The following EFCAB6 variants were observed in gnomAD, a reference collection of about 807,000 sequenced individuals.
EFCAB6 encodes EF-hand calcium binding domain 6.
EFCAB6 carries 156 observed loss-of-function variants against 169.8 expected under a neutral mutation model. That is an observed-to-expected ratio of 0.92 (90% confidence interval 0.81 to 1.05). The LOEUF (loss-of-function observed/expected upper bound fraction) is 1.05, where lower values mean the gene tolerates loss of function less well. Ranked by LOEUF, EFCAB6 falls within the 50% of genes least tolerant of loss-of-function variation. The pLI, the probability that EFCAB6 is intolerant of heterozygous loss-of-function variation, is 0.00. For synonymous variants in EFCAB6, 698 were observed against 676.4 expected (o/e 1.03, Z -0.50); for missense variants, 1,800 against 1,829.1 (o/e 0.98, Z 0.29).
At chr22:43,786,830 G>A (rs556204517) in intron 2 of EFCAB6, among the ~76,000 whole-genome samples, 90 of 152,204 alleles carry the variant, frequency 5.9e-4, no homozygotes, top group Non-Finnish European at 1.1e-3. Context: ...CAAACTGAAT[G>A]CAGCAACATA....
At chr22:43,556,482 C>T (rs1182453423) in intron 26 of EFCAB6, among the ~76,000 whole-genome samples, 1 of 152,200 alleles carries the variant, frequency 6.6e-6, no homozygotes, top group East Asian at 1.9e-4. Flanking sequence ...TCAAAGCCCA[C>T]CATGGCTGTG....
chr22:43,708,287 A>C (rs137825), intron 10 of EFCAB6, among the ~76,000 whole-genome samples: 1 of 151,610 alleles, frequency 6.6e-6, no homozygotes, highest in Non-Finnish European at 1.5e-5. Context: ...ATGCCTGTAA[A>C]CCCAGCTACT....
intron 26 of EFCAB6, among the ~76,000 whole-genome samples, chr22:43,574,787 G>A (rs1004229755): frequency 6.6e-6 from 1 of 152,164 alleles, no homozygotes; most frequent in African/African-American, 2.4e-5. Context: ...TGTAGACAAC[G>A]AGACCTGAAT....
At chr22:43,662,979 C>T (rs1433186888) in intron 17 of EFCAB6, among the ~76,000 whole-genome samples, 4 of 152,198 alleles carry the variant, frequency 2.6e-5, no homozygotes, top group African/African-American at 7.2e-5. Flanking sequence ...AACACTGAGC[C>T]AGTATCACAG....
rs757013653 is a variant in EFCAB6, at chr22:43,590,234, AAG to A, written c.2877-7_2877-6del. The A allele has an allele frequency of 6.2e-7, 1 of 1,612,786 alleles. No homozygotes were observed. The highest frequency in any genetic ancestry group is 1.1e-5 in the South Asian group (1 of 90,660). On this transcript the variant is annotated splice_region_variant and splice_polypyrimidine_tract_variant and intron_variant, in intron 23 of 31. Transcript: ENST00000262726. ...TGGCGGTCCATAAGCTTATCCCTGA[AAG>A]AGAGTACATTGCAGACATACCCTAA...
intron 28 of EFCAB6, 60 bp downstream of exon 28, chr22:43,540,067 G>A: frequency 6.3e-7 from 1 of 1,587,194 alleles, no homozygotes; most frequent in East Asian, 2.2e-5. Flanking sequence ...AGTCCCCCCA[G>A]TGGGATTTGT....
chr22:43,791,795 T>C (rs2148116525), intron 2 of EFCAB6, among the ~76,000 whole-genome samples: 1 of 152,238 alleles, frequency 6.6e-6, no homozygotes, highest in East Asian at 1.9e-4. Context: ...AGAACTCTGC[T>C]GTAATGGGGA....
chr22:43,553,156 CCAAGG>C (rs1347781977), intron 27 of EFCAB6: 6 of 152,140 alleles, frequency 3.9e-5, no homozygotes, highest in Non-Finnish European at 5.9e-5. Flanking sequence ...ATGAATACTT[CCAAGG>C]CCTTACCCTG....
intron 8 of EFCAB6, among the ~76,000 whole-genome samples, chr22:43,726,429 A>C (rs2059741911): frequency 6.6e-6 from 1 of 152,222 alleles, no homozygotes; most frequent in Non-Finnish European, 1.5e-5. Flanking sequence ...AAATATAAAC[A>C]GAAAACTATC....
chr22:43,547,466 G>GC (rs2048124234), intron 27 of EFCAB6, among the ~76,000 whole-genome samples: 2 of 152,222 alleles, frequency 1.3e-5, no homozygotes, highest in Non-Finnish European at 2.9e-5. Context: ...CTGGCCAGGT[G>GC]CAGTGGCTCA....
Position 43,635,260 on chromosome 22 carries a change from C to T in EFCAB6, c.1984-44G>A, listed in dbSNP as rs142171161. On this transcript the variant is annotated intron_variant, in intron 17 of 31. Coordinates refer to ENST00000262726, the MANE Select transcript of EFCAB6 (RefSeq NM_022785.4). ...GAGGGTGGAGAGGCGTTAGGTGGTC[C>T]GCGGGTCACTACTCCCAGAGCACCT... 2.1e-3 allele frequency: 2,984 copies of T among 1,400,510 alleles called. 6 individuals carry two copies. Among genetic ancestry groups the T allele is most frequent in the Non-Finnish European group, 2.8e-3 (2,739 of 985,652 alleles). The allele number at this position is 1,400,510 out of a possible 1,614,324, so 86.8% of individuals were successfully genotyped here. A position where few individuals can be genotyped will look rare whatever the true frequency, so the allele number is the denominator to read the frequency against.
intron 3 of EFCAB6, among the ~76,000 whole-genome samples, chr22:43,776,725 A>T (rs1254901650): frequency 6.6e-6 from 1 of 152,210 alleles, no homozygotes; most frequent in Non-Finnish European, 1.5e-5. Flanking sequence ...CATAGCAGGT[A>T]GGATGGAGAA....
chr22:43,711,260 A>G (rs2059149142), intron 10 of EFCAB6, among the ~76,000 whole-genome samples: 1 of 152,216 alleles, frequency 6.6e-6, no homozygotes, highest in Non-Finnish European at 1.5e-5. Context: ...GAGCAGGAAT[A>G]CAAATGAAAT....
intron 24 of EFCAB6, among the ~76,000 whole-genome samples, chr22:43,584,513 A>T (rs1479875680): frequency 6.6e-6 from 1 of 151,958 alleles, no homozygotes; most frequent in Non-Finnish European, 1.5e-5. Context: ...TCTGAGAAAG[A>T]TCCCCTCAGG....
intron 27 of EFCAB6, chr22:43,554,426 G>C (rs570272630): frequency 5.9e-6 from 1 of 168,686 alleles, no homozygotes; most frequent in East Asian, 1.7e-4. Context: ...TTCTCTTGCT[G>C]ACTTGCCCCT....
chr22:43,535,675 G>A (rs1160339273), intron 29 of EFCAB6: 1 of 152,272 alleles, frequency 6.6e-6, no homozygotes, highest in Non-Finnish European at 1.5e-5. Context: ...TTGAGTTGAA[G>A]TTTCATAGAC....
At chr22:43,603,624 C>G (rs73887354) in intron 22 of EFCAB6, among the ~76,000 whole-genome samples, 3,529 of 152,374 alleles carry the variant, frequency 0.023, 123 homozygotes, top group African/African-American at 0.081. Context: ...TTCCCACATA[C>G]ATTTCAGAAG....
chr22:43,610,957 A>G (rs966267069), intron 21 of EFCAB6, among the ~76,000 whole-genome samples: 5 of 152,244 alleles, frequency 3.3e-5, no homozygotes, highest in Non-Finnish European at 7.3e-5. Context: ...AGGTGAATAC[A>G]GAGAATCACA....
intron 12 of EFCAB6, among the ~76,000 whole-genome samples, chr22:43,681,221 T>A (rs1409918540): frequency 6.6e-6 from 1 of 152,258 alleles, no homozygotes; most frequent in Non-Finnish European, 1.5e-5. Context: ...GATAATCATG[T>A]AGTTCTGTTC....
Sources: gnomAD v4.1 joint callset for allele counts (sites outside exome capture counted in the v4.1 genomes callset) on GRCh38, gnomAD v4.1.1 for gene constraint, MANE v1.5 for transcripts, NCBI Gene and HGNC (gene_info 2026-07-23, HGNC 2026-07-21) for gene names.